The following WDR1 variants were observed in gnomAD, a reference collection of about 807,000 sequenced individuals.
The protein encoded by WDR1 is WD repeat domain 1.
A neutral mutation model predicts 71.9 loss-of-function variants in WDR1; 21 were observed. That is an observed-to-expected ratio of 0.29 (90% CI 0.21 to 0.42). WDR1 has a LOEUF of 0.42. WDR1 is among the 10% of genes least tolerant of loss of function. WDR1 has a pLI of 1.00. For missense variants in WDR1, 696 were observed against 824.5 expected, an observed-to-expected ratio of 0.84 and a Z score of 1.91; for synonymous variants, 424 against 347.4, an observed-to-expected ratio of 1.22 and a Z score of -2.45.
At chr4:10,101,160 A>C (rs1712660682) in intron 3 of WDR1, among the ~76,000 whole-genome samples, 1 of 152,264 alleles carries the variant, frequency 6.6e-6, no homozygotes, top group African/African-American at 2.4e-5. Flanking sequence ...ACCTCAGGAA[A>C]AGGAGGCCTG....
chr4:10,098,567 C>T (rs548365107), intron 4 of WDR1, among the ~76,000 whole-genome samples: 1 of 152,356 alleles, frequency 6.6e-6, no homozygotes, highest in Admixed American at 6.5e-5. Context: ...TCCACTGCCC[C>T]TCCCTCCTCC....
rs749358682 is a variant in WDR1, at chr4:10,083,107, T to A, written c.1111A>T (p.Met371Leu). 1 of 1,613,944 alleles carries A rather than the reference T, an allele frequency of 6.2e-7. No individual in the cohort carries two copies. Among genetic ancestry groups the A allele is most frequent in the South Asian group, 1.1e-5 (1 of 91,068 alleles). Residue 371 changes from methionine (M) to leucine (L), a missense_variant, in exon 10 of 15, where the codon ATG becomes TTG. Met to Leu is a conservative substitution (Grantham distance 15). Transcript: ENST00000499869. ...GKGHTNQVSR[M>L]TVDESGQLIS... is the part of the protein sequence containing the mutation. The stretch of plus-strand genomic sequence containing the variant: ...AGCTGCCCCGACTCATCCACGGTCA[T>A]CCTGGACACCTGGTTCGTGTGGCCT...
At position 10,078,962 on chromosome 4, in the gene WDR1, C is replaced by G. The variant is rs574205889; in HGVS notation, c.1324G>C (p.Asp442His). 3.1e-6 allele frequency: 5 copies of G among 1,612,284 alleles called. No individual in the cohort carries two copies. In the Middle Eastern group the frequency reaches 5.0e-4, roughly 160 times the overall value. ...ACTTCGGGCTCGTAGCCGGGGTTGT[C>G]GATGCTGAAGCACTTCCTCTGATCC... ...LKDQRKCFSI[D>H]NPGYEPEVVA... Residue 442 changes from aspartate (D) to histidine (H), a missense_variant, in exon 12 of 15, where the codon GAC becomes CAC. Physicochemically the swap from Asp to His is moderately conservative, Grantham distance 81. Coordinates refer to ENST00000499869, the MANE Select transcript of WDR1 (RefSeq NM_017491.5).
intron 2 of WDR1, among the ~76,000 whole-genome samples, chr4:10,114,043 T>C (rs1313779219): frequency 1.3e-5 from 2 of 151,996 alleles, no homozygotes; most frequent in African/African-American, 4.8e-5. Context: ...TTCATGTCAC[T>C]TTTTTTTCCA....
chr4:10,101,156 G>A (rs902861397), intron 3 of WDR1, among the ~76,000 whole-genome samples: 1 of 152,268 alleles, frequency 6.6e-6, no homozygotes, highest in Admixed American at 6.5e-5. Flanking sequence ...AATAACCTCA[G>A]GAAAAGGAGG....
At chr4:10,108,780 G>A (rs1201430954) in intron 2 of WDR1, among the ~76,000 whole-genome samples, 1 of 152,198 alleles carries the variant, frequency 6.6e-6, no homozygotes, top group Non-Finnish European at 1.5e-5. Flanking sequence ...TTAAGGCCCA[G>A]GCAAAGGGCT....
intron 1 of WDR1, 156 bp from the exon 2 acceptor site, chr4:10,116,390 T>G: frequency 1.7e-6 from 2 of 1,157,138 alleles, no homozygotes; most frequent in East Asian, 2.6e-5. Context: ...ACCGCGCGAC[T>G]TCCTGGTCCG....
Position 10,116,630 on chromosome 4 carries a change from GC to G in WDR1, c.16+20del. 1.6e-6 allele frequency: 2 copies of G among 1,241,316 alleles called. No homozygotes were observed. Among genetic ancestry groups the G allele is most frequent in the Non-Finnish European group, 2.0e-6 (2 of 989,560 alleles). The allele number at this position is 1,241,316 out of a possible 1,614,324, so 76.9% of individuals were successfully genotyped here. A position where few individuals can be genotyped will look rare whatever the true frequency, so the allele number is the denominator to read the frequency against. ...GGGGCAGCGCGGCGGCCGCTCGGGG[GC>G]CCCGCGCCGCGGCACTTACTGATCT... On this transcript the variant is annotated intron_variant, in intron 1 of 14. Transcript: ENST00000499869.
At chr4:10,077,636 G>C (rs1213651612) in intron 13 of WDR1, 117 bp downstream of exon 13, 2 of 1,463,626 alleles carry the variant, frequency 1.4e-6, no homozygotes, top group South Asian at 2.8e-5. Context: ...TACTTGTAGA[G>C]GCAAGAAAAC....
rs557694123 is a variant in WDR1, at chr4:10,114,564, G to A, written c.138+1549C>T. On this transcript the variant is annotated intron_variant, in intron 2 of 14. Coordinates refer to ENST00000499869, the MANE Select transcript of WDR1 (RefSeq NM_017491.5). ...CAACGACAGGGAAGGCCTGGTTAGG[G>A]GCAAAACGAAATATCCTACTGCTCT... Among the ~76,000 whole-genome samples, 177 of 152,326 alleles carry A rather than the reference G, an allele frequency of 1.2e-3. 1 individual carries two copies. The highest frequency in any genetic ancestry group is 4.0e-3 in the African/African-American group (165 of 41,578).
chr4:10,088,715 C>T lies in WDR1; in HGVS notation c.585G>A (p.Val195=), dbSNP rs1213343152. The change falls in exon 6 of 15, where the codon GTG becomes GTA. Residue 195 remains valine (V), a synonymous_variant. Transcript: ENST00000499869. ...ATCTGTTCCCATCAGGAGAGAATCG[C>T]ACACAGTTGACAAAGCGGCTGTGGT... The part of the protein sequence containing the change: ...IGDHSRFVNC[V]RFSPDGNRFA... 6.2e-7 allele frequency: 1 copy of T among 1,606,782 alleles called. No individual in the cohort carries two copies. The highest frequency in any genetic ancestry group is 2.2e-5 in the East Asian group (1 of 44,656).
chr4:10,105,815 C>G (rs35411989), intron 2 of WDR1, among the ~76,000 whole-genome samples: 13 of 152,048 alleles, frequency 8.5e-5, no homozygotes, highest in African/African-American at 3.1e-4. Context: ...CCAAAAGACA[C>G]AGGAGCAATG....
intron 2 of WDR1, among the ~76,000 whole-genome samples, chr4:10,107,992 C>G (rs895979131): frequency 6.6e-6 from 1 of 152,184 alleles, no homozygotes; most frequent in Non-Finnish European, 1.5e-5. Context: ...TGCACTGAGG[C>G]ATCCTGCCCA....
chr4:10,096,978 C>T (rs888763617), intron 5 of WDR1, among the ~76,000 whole-genome samples: 8 of 152,268 alleles, frequency 5.3e-5, no homozygotes, highest in Non-Finnish European at 1.2e-4. Flanking sequence ...TGGGCTCCTC[C>T]CCTCACTCCT....
intron 5 of WDR1, among the ~76,000 whole-genome samples, chr4:10,093,491 G>A (rs1321174734): frequency 3.9e-5 from 6 of 152,228 alleles, no homozygotes; most frequent in East Asian, 1.9e-4. Flanking sequence ...CCTGCAGCCC[G>A]GTCCACTTAG....
At chr4:10,093,903 C>T (rs889843837) in intron 5 of WDR1, among the ~76,000 whole-genome samples, 1 of 152,238 alleles carries the variant, frequency 6.6e-6, no homozygotes. Context: ...CCACCAGAAA[C>T]CTTGCCTGTT....
Position 10,087,926 on chromosome 4 carries a change from G to T in WDR1, c.732C>A (p.Pro244=), listed in dbSNP as rs202097102. 1.3e-6 allele frequency: 2 copies of T among 1,554,466 alleles called. No individual in the cohort carries two copies. Among genetic ancestry groups the T allele is most frequent in the Non-Finnish European group, 1.7e-6 (2 of 1,148,330 alleles). The change falls in exon 8 of 15, where the codon CCC becomes CCA. Residue 244 remains proline, a synonymous_variant. Transcript: ENST00000499869. The stretch of plus-strand genomic sequence containing the variant: ...AAGCAGAAAGCAAATGGGTGCTGTC[G>T]GGACTCCAACTAATCTATTCAGAAA... ...DGGIYAISWS[P]DSTHLLSASG...
At chr4:10,107,822 G>A (rs1272973396) in intron 2 of WDR1, among the ~76,000 whole-genome samples, 2 of 152,294 alleles carry the variant, frequency 1.3e-5, no homozygotes, top group East Asian at 1.9e-4. Context: ...CACGGACTTC[G>A]GCAAGTGACA....
At chr4:10,099,184 G>GGGGGGGGGGGGGT in intron 3 of WDR1, 45 bp from the exon 4 acceptor site, 1 of 450,126 alleles carries the variant, frequency 2.2e-6, no homozygotes. Flanking sequence ...CGGTGGTGGG[G>GGGGGGGGGGGGGT]TAAAGGGCAG....
Sources: gnomAD v4.1 joint callset for allele counts (sites outside exome capture counted in the v4.1 genomes callset) on GRCh38, gnomAD v4.1.1 for gene constraint, MANE v1.5 for transcripts, NCBI Gene and HGNC (gene_info 2026-07-23, HGNC 2026-07-21) for gene names.